The following HIBCH variants were observed in gnomAD, a reference collection of about 807,000 sequenced individuals.
The protein encoded by HIBCH is 3-hydroxyisobutyryl-CoA hydrolase, mitochondrial.
HIBCH carries 50 observed loss-of-function variants against 58.2 expected under a neutral mutation model. The observed-to-expected ratio is 0.86, with a 90% CI of 0.68 to 1.09. The LOEUF (loss-of-function observed/expected upper bound fraction) is 1.09. Ranked by LOEUF, HIBCH falls within the 50% of genes least tolerant of loss-of-function variation. The pLI is 0.00. For missense variants in HIBCH, 450 were observed against 449.7 expected, an observed-to-expected ratio of 1.00 and a Z score of -0.01; for synonymous variants, 151 against 146.9, an observed-to-expected ratio of 1.03 and a Z score of -0.20.
In HIBCH at chr2:190,197,289, G is replaced by A. The variant is rs1690025012; in HGVS notation, c.*18-7292C>T. Among the ~76,000 whole-genome samples the A allele has an allele frequency of 6.6e-6, 1 of 152,166 alleles. No individual in the cohort carries two copies. The highest frequency in any genetic ancestry group is 6.5e-5 in the Admixed American group (1 of 15,276). On this transcript the variant is annotated intron_variant, in intron 1 of 1. Coordinates refer to the HIBCH transcript ENST00000399855. This position sits in a 1 kb window ranked among gnomAD's most constrained non-coding sequence, Gnocchi z 4.0. ...TGATTCCTAAGGTGTCGCATTTCTT[G>A]AGTAGTAACTAAATACGAAAGTGTT... is the stretch of plus-strand genomic sequence containing the variant.
At chr2:190,309,210 C>T (rs1208705368) in intron 2 of HIBCH, among the ~76,000 whole-genome samples, 1 of 152,132 alleles carries the variant, frequency 6.6e-6, no homozygotes, top group African/African-American at 2.4e-5. Flanking sequence ...ACATCCAGGT[C>T]AGATTTTGCC....
At chr2:190,312,873 C>T (rs890802318) in intron 1 of HIBCH, among the ~76,000 whole-genome samples, 11 of 152,204 alleles carry the variant, frequency 7.2e-5, no homozygotes, top group Non-Finnish European at 1.2e-4. Context: ...CCAAGGCAGG[C>T]GGATCACCTG....
In HIBCH at chr2:190,208,860, A is replaced by C. The variant is rs1450346407; in HGVS notation, c.1045+20T>G. ...CAAATCCCATTTCCCCAAAATGGTA[A>C]GTTCCCATTTGCCACTTACCAGCTC... On this transcript the variant is annotated intron_variant, in intron 13 of 13. Transcript: ENST00000359678. 1.2e-6 allele frequency: 2 copies of C among 1,608,686 alleles called. No homozygotes were observed. Among genetic ancestry groups the C allele is most frequent in the South Asian group, 1.1e-5 (1 of 90,888 alleles).
intron 6 of HIBCH, among the ~76,000 whole-genome samples, chr2:190,283,809 CCACAGATCACTGCAA>C: frequency 6.6e-6 from 1 of 152,316 alleles, no homozygotes. Context: ...CTCATCTGAA[CCACAGATCACTGCAA>C]ATGATGTGAT....
At chr2:190,258,242 C>A (rs291412) in intron 7 of HIBCH, among the ~76,000 whole-genome samples, 1 of 152,002 alleles carries the variant, frequency 6.6e-6, no homozygotes, top group Non-Finnish European at 1.5e-5. Flanking sequence ...TTGGCCACGA[C>A]TGTAAATTTC....
chr2:190,218,726 C>A (rs1022678931), intron 11 of HIBCH, among the ~76,000 whole-genome samples: 1 of 152,314 alleles, frequency 6.6e-6, no homozygotes, highest in Non-Finnish European at 1.5e-5. Flanking sequence ...AAATGGGATA[C>A]CAATCCCAGA....
intron 6 of HIBCH, among the ~76,000 whole-genome samples, chr2:190,273,497 C>T (rs575257439): frequency 6.6e-6 from 1 of 152,158 alleles, no homozygotes; most frequent in South Asian, 2.1e-4. Context: ...GAGAGGAGAT[C>T]TACCGCTCTC....
Position 190,304,010 on chromosome 2 carries a change from A to G in HIBCH, c.78+6744T>C, listed in dbSNP as rs772548005. On this transcript the variant is annotated intron_variant, in intron 2 of 13. Coordinates refer to ENST00000359678, the MANE Select transcript of HIBCH (RefSeq NM_014362.4). The surrounding 1 kb of genome is among the most constrained non-coding windows in gnomAD (Gnocchi z 4.1). ...ATGGTATTCTACAGGCTACCTGACC[A>G]CTACTCCTTAAAATTGTCAAGGGCA... is the stretch of plus-strand genomic sequence containing the variant. 1.3e-5 allele frequency among the ~76,000 whole-genome samples: 2 copies of G among 152,168 alleles called. No homozygotes were observed. Among genetic ancestry groups the G allele is most frequent in the Non-Finnish European group, 2.9e-5 (2 of 68,026 alleles).
intron 9 of HIBCH, among the ~76,000 whole-genome samples, chr2:190,248,922 T>C (rs1686687092): frequency 6.6e-6 from 1 of 152,056 alleles, no homozygotes; most frequent in African/African-American, 2.4e-5. Context: ...TCTGCCCCAT[T>C]CTACACCCTA....
In HIBCH at chr2:190,206,994, C is replaced by T. The variant is rs1690406570; in HGVS notation, c.1046-1762G>A. On this transcript the variant is annotated intron_variant, in intron 13 of 13. Transcript: ENST00000359678. This position sits in a 1 kb window ranked among gnomAD's most constrained non-coding sequence, Gnocchi z 5.1. Reference sequence around the variant, plus strand: ...CAAAAAAATTAGGCGTGGTGGCAGGCGCTTTTAGTCCCAGCTACTCGGGAG... The same window carrying T: ...CAAAAAAATTAGGCGTGGTGGCAGGTGCTTTTAGTCCCAGCTACTCGGGAG... Among the ~76,000 whole-genome samples, 4 of 151,966 alleles carry T rather than the reference C, an allele frequency of 2.6e-5. No homozygotes were observed. Among genetic ancestry groups the T allele is most frequent in the East Asian group, 3.9e-4 (2 of 5,184 alleles).
At chr2:190,237,310 C>T (rs943438970) in intron 11 of HIBCH, among the ~76,000 whole-genome samples, 1 of 152,172 alleles carries the variant, frequency 6.6e-6, no homozygotes, top group Non-Finnish European at 1.5e-5. Context: ...TAAAGCCATA[C>T]AATGAGTGGT....
Position 190,206,906 on chromosome 2 carries a change from A to G in HIBCH, c.1046-1674T>C, listed in dbSNP as rs962654832. On this transcript the variant is annotated intron_variant, in intron 13 of 13. Transcript: ENST00000359678. This position sits in a 1 kb window ranked among gnomAD's most constrained non-coding sequence, Gnocchi z 5.1. ...TTTGGGAGGCTGAGGTAGGCGGATT[A>G]CGAGGTCAGGAGATCGAGACCATCC... 1.1e-4 allele frequency among the ~76,000 whole-genome samples: 16 copies of G among 152,084 alleles called. No individual in the cohort carries two copies. Among genetic ancestry groups the G allele is most frequent in the Non-Finnish European group, 1.3e-4 (9 of 68,014 alleles).
rs201294705 is a variant in HIBCH at position 190,252,337 on chromosome 2, T to C, written c.518-30A>G. 48 of 1,591,090 alleles carry C rather than the reference T, an allele frequency of 3.0e-5. No individual in the cohort carries two copies. In the African/African-American group the frequency reaches 4.2e-4, roughly 14 times the overall value. ...AATTAAATGTAACAAAAAGAGATAA[T>C]GGTGATTCAAATGAAAAAGATAAAT... On this transcript the variant is annotated intron_variant, in intron 7 of 13. Coordinates refer to ENST00000359678, the MANE Select transcript of HIBCH (RefSeq NM_014362.4).
chr2:190,252,087 A>G (rs973293645), intron 8 of HIBCH, 75 bp downstream of exon 8: 2 of 1,387,942 alleles, frequency 1.4e-6, no homozygotes, highest in Non-Finnish European at 2.0e-6. Flanking sequence ...GCTCTCAACC[A>G]CCCATTGTAC....
chr2:190,227,931 G>A (rs546846230), intron 11 of HIBCH, among the ~76,000 whole-genome samples: 3 of 152,144 alleles, frequency 2.0e-5, no homozygotes, highest in Non-Finnish European at 4.4e-5. Flanking sequence ...AGAGAAACAG[G>A]AACACTTTTA....
chr2:190,269,625 G>C (rs1481666180), intron 6 of HIBCH, among the ~76,000 whole-genome samples: 1 of 152,150 alleles, frequency 6.6e-6, no homozygotes, highest in East Asian at 1.9e-4. Flanking sequence ...CTGCTGGTGG[G>C]AGTGTAAATT....
rs1404945458 is a variant in HIBCH at position 190,216,014 on chromosome 2, G to A, written c.892-2939C>T. On this transcript the variant is annotated intron_variant, in intron 11 of 13. Transcript: ENST00000359678. This position sits in a 1 kb window ranked among gnomAD's most constrained non-coding sequence, Gnocchi z 4.2. ...AAAAGGAAACAGGGGATGACAGAAAGAGAAATAAAAGAAGAAAATGAGCAA... is the reference window on the plus strand; with the variant it reads ...AAAAGGAAACAGGGGATGACAGAAAAAGAAATAAAAGAAGAAAATGAGCAA... 2.0e-5 allele frequency: 3 copies of A among 152,488 alleles called. No homozygotes were observed. Among genetic ancestry groups the A allele is most frequent in the Admixed American group, 2.0e-4 (3 of 15,276 alleles). 9.4% of individuals were successfully genotyped at this position (152,488 alleles called of 1,614,324 possible).
At chr2:190,258,123 CATA>C (rs1015220948) in intron 7 of HIBCH, among the ~76,000 whole-genome samples, 2 of 152,102 alleles carry the variant, frequency 1.3e-5, no homozygotes, top group Non-Finnish European at 2.9e-5. Flanking sequence ...TTGCTGTTCT[CATA>C]ATAATGAGTG....
At chr2:190,225,670 T>C (rs1289756757) in intron 11 of HIBCH, among the ~76,000 whole-genome samples, 3 of 152,160 alleles carry the variant, frequency 2.0e-5, no homozygotes, top group Non-Finnish European at 1.5e-5. Flanking sequence ...GACGGATTCA[T>C]AGCCGAATTC....
Sources: gnomAD v4.1 joint callset for allele counts (sites outside exome capture counted in the v4.1 genomes callset) on GRCh38, gnomAD v4.1.1 for gene constraint, Gnocchi (gnomAD v3.1) non-coding constraint, MANE v1.5 for transcripts, NCBI Gene and HGNC (gene_info 2026-07-23, HGNC 2026-07-21) for gene names.